The following RAP1GAP variants were observed in gnomAD, a reference collection of about 807,000 sequenced individuals.
RAP1GAP encodes rap1 GTPase-activating protein 1.
RAP1GAP carries 35 observed loss-of-function variants against 87.2 expected under a neutral mutation model. The ratio of observed to expected loss-of-function variants is 0.40; its 90% CI spans 0.31 to 0.53. The LOEUF (loss-of-function observed/expected upper bound fraction) is 0.53, where lower values mean the gene tolerates loss of function less well. Among genes scored for constraint, RAP1GAP ranks in the 20% least tolerant of loss-of-function variants. The pLI, the probability that RAP1GAP is intolerant of heterozygous loss-of-function variation, is 0.48. For missense variants in RAP1GAP, 734 were observed against 898.9 expected (o/e 0.82, Z 2.35); for synonymous variants, 375 against 363.9 (o/e 1.03, Z -0.35).
At chr1:21,611,680 C>A (rs1216862013) in intron 12 of RAP1GAP, 36 bp downstream of exon 12, 3 of 1,612,306 alleles carry the variant, frequency 1.9e-6, no homozygotes, top group Non-Finnish European at 2.5e-6. Flanking sequence ...GAGCACAAGT[C>A]AGATTACACT....
chr1:21,606,394 A>G (rs1248218879), intron 17 of RAP1GAP, among the ~76,000 whole-genome samples, 197 bp from the exon 18 acceptor site: 1 of 152,186 alleles, frequency 6.6e-6, no homozygotes, highest in Non-Finnish European at 1.5e-5. Flanking sequence ...TGTGCGTCAC[A>G]TGAGAAGCAG....
chr1:21,665,196 G>A (rs1198117324), intron 1 of RAP1GAP: 1 of 503,904 alleles, frequency 2.0e-6, no homozygotes. Context: ...GACTCAGAGG[G>A]AGAGAGGAAC....
At position 21,603,270 on chromosome 1, in the gene RAP1GAP, G is replaced by T; in HGVS notation, c.1429-357C>A. 2.5e-6 allele frequency: 1 copy of T among 398,396 alleles called. No homozygotes were observed. The highest frequency in any genetic ancestry group is 4.6e-6 in the Non-Finnish European group (1 of 219,234). The allele number at this position is 398,396 out of a possible 1,614,324, so 24.7% of individuals were successfully genotyped here. On this transcript the variant is annotated intron_variant, in intron 18 of 24. Coordinates refer to ENST00000374765, the MANE Select transcript of RAP1GAP (RefSeq NM_002885.4). This position sits in a 1 kb window ranked among gnomAD's most constrained non-coding sequence, Gnocchi z 6.0. The stretch of plus-strand genomic sequence containing the variant: ...CTGCAGCCTAAGGGCAGTGGTCAGA[G>T]GGCAGTGTAGCAACCCAAGTCCCAC...
rs909608460 is a variant in RAP1GAP at position 21,609,972 on chromosome 1, G to A, written c.999+148C>T. ...GGGGTGAGCTTTGGGGACGACAGGG[G>A]GCGTGGTGTGAACAGTGCACCATTG... On this transcript the variant is annotated intron_variant, in intron 14 of 24. Transcript: ENST00000374765. The surrounding 1 kb of genome is among the most constrained non-coding windows in gnomAD (Gnocchi z 4.4). 4 of 1,008,636 alleles carry A rather than the reference G, an allele frequency of 4.0e-6. No individual in the cohort carries two copies. The African/African-American group carries it at 6.5e-5, about 17-fold the overall frequency. 62.5% of individuals were successfully genotyped at this position (1,008,636 alleles called of 1,614,324 possible). A position where few individuals can be genotyped will look rare whatever the true frequency, so the allele number is the denominator to read the frequency against.
At chr1:21,662,605 G>C (rs2097191199) in intron 1 of RAP1GAP, among the ~76,000 whole-genome samples, 2 of 152,130 alleles carry the variant, frequency 1.3e-5, no homozygotes, top group African/African-American at 2.4e-5. Context: ...GGAAGCTTCA[G>C]GGCCACGTCC....
At chr1:21,659,415 C>T (rs1347612791) in intron 1 of RAP1GAP, among the ~76,000 whole-genome samples, 1 of 152,208 alleles carries the variant, frequency 6.6e-6, no homozygotes, top group South Asian at 2.1e-4. Flanking sequence ...CGCCACCCCC[C>T]GCACTTCCTC....
chr1:21,632,115 C>T (rs570266023), intron 2 of RAP1GAP, among the ~76,000 whole-genome samples: 4 of 152,156 alleles, frequency 2.6e-5, no homozygotes, highest in Non-Finnish European at 2.9e-5. Flanking sequence ...AGGCACATTC[C>T]GGGGTCACCT....
chr1:21,615,957 C>T lies in RAP1GAP; in HGVS notation c.291+1349G>A, dbSNP rs1161680786. Among the ~76,000 whole-genome samples, 1 of 152,126 alleles carries T rather than the reference C, an allele frequency of 6.6e-6. No homozygotes were observed. Among genetic ancestry groups the T allele is most frequent in the Non-Finnish European group, 1.5e-5 (1 of 68,030 alleles). On this transcript the variant is annotated intron_variant, in intron 7 of 24. Coordinates refer to ENST00000374765, the MANE Select transcript of RAP1GAP (RefSeq NM_002885.4). This position sits in a 1 kb window ranked among gnomAD's most constrained non-coding sequence, Gnocchi z 4.5. ...GGGAAGTGGAATTCCATGCTGGGTT[C>T]TGGGTTTGTTCCCAGGCAAAGGCTC... is the stretch of plus-strand genomic sequence containing the variant.
chr1:21,647,433 C>A (rs1399131844), intron 2 of RAP1GAP, among the ~76,000 whole-genome samples: 1 of 152,190 alleles, frequency 6.6e-6, no homozygotes, highest in Non-Finnish European at 1.5e-5. Flanking sequence ...AACTACACTA[C>A]AGCCTGGGCG....
chr1:21,659,119 G>A (rs1231866650), intron 1 of RAP1GAP, among the ~76,000 whole-genome samples: 1 of 151,968 alleles, frequency 6.6e-6, no homozygotes, highest in Non-Finnish European at 1.5e-5. Flanking sequence ...TGGTCAGGCT[G>A]GCCTCGAACT....
At chr1:21,633,970 CG>C (rs1227753661) in intron 2 of RAP1GAP, among the ~76,000 whole-genome samples, 1 of 151,676 alleles carries the variant, frequency 6.6e-6, no homozygotes, top group African/African-American at 2.4e-5. Context: ...CTGCCAGAGC[CG>C]GGTCTCCTAG....
At chr1:21,611,109 C>T (rs1205608672) in intron 13 of RAP1GAP, among the ~76,000 whole-genome samples, 1 of 152,226 alleles carries the variant, frequency 6.6e-6, no homozygotes, top group Admixed American at 6.5e-5. Flanking sequence ...CTGACTCCCA[C>T]CTCTGCCAAG....
intron 2 of RAP1GAP, among the ~76,000 whole-genome samples, chr1:21,644,564 G>T (rs911301199): frequency 1.3e-5 from 2 of 152,112 alleles, no homozygotes; most frequent in Admixed American, 6.6e-5. Context: ...CTCAGCTCTC[G>T]GCAAGGACCA....
chr1:21,651,646 A>G, intron 1 of RAP1GAP: 1 of 938,896 alleles, frequency 1.1e-6, no homozygotes, highest in Non-Finnish European at 1.7e-6. Flanking sequence ...CTGAGGTCAA[A>G]CGCTCAGCCC....
At chr1:21,630,205 A>T (rs1558776372) in intron 2 of RAP1GAP, among the ~76,000 whole-genome samples, 1 of 152,170 alleles carries the variant, frequency 6.6e-6, no homozygotes, top group Non-Finnish European at 1.5e-5. Flanking sequence ...AGTGCCCTTA[A>T]CACTATACCA....
intron 1 of RAP1GAP, among the ~76,000 whole-genome samples, chr1:21,653,606 C>A (rs1337496276): frequency 7.0e-6 from 1 of 142,988 alleles, no homozygotes; most frequent in African/African-American, 2.5e-5. Context: ...CTCCCTCCCT[C>A]CCTCCTTCCT....
chr1:21,626,212 CCA>C, intron 3 of RAP1GAP, 90 bp downstream of exon 3: 1 of 1,208,344 alleles, frequency 8.3e-7, no homozygotes, highest in Non-Finnish European at 1.2e-6. Context: ...TTACCTTTGC[CCA>C]AAAGTCATTC....
At chr1:21,663,903 T>C (rs2097245708) in intron 1 of RAP1GAP, among the ~76,000 whole-genome samples, 1 of 152,160 alleles carries the variant, frequency 6.6e-6, no homozygotes, top group Non-Finnish European at 1.5e-5. Context: ...ACAGGTACTG[T>C]AGTTTCAAGA....
In RAP1GAP at chr1:21,627,412, T is replaced by C. The variant is rs28560367; in HGVS notation, c.-112-1015A>G. Among the ~76,000 whole-genome samples, 186 of 50,714 alleles carry C rather than the reference T, an allele frequency of 3.7e-3. No homozygotes were observed. The East Asian group carries it at 0.038, about 10-fold the overall frequency. The allele number at this position is 50,714 out of a possible 152,430, so 33.3% of individuals were successfully genotyped here. A position where few individuals can be genotyped will look rare whatever the true frequency, so the allele number is the denominator to read the frequency against. ...AAAGCTGTGAGCCTCCCTTCTTCTT[T>C]TTTTTTTTTTTTTTTTTTTATGACA... On this transcript the variant is annotated intron_variant, in intron 2 of 24. Transcript: ENST00000374765.
Sources: gnomAD v4.1 joint callset for allele counts (sites outside exome capture counted in the v4.1 genomes callset) on GRCh38, gnomAD v4.1.1 for gene constraint, Gnocchi (gnomAD v3.1) non-coding constraint, MANE v1.5 for transcripts, NCBI Gene and HGNC (gene_info 2026-07-23, HGNC 2026-07-21) for gene names.